The following TSHZ3 variants were observed in gnomAD, a reference collection of about 807,000 sequenced individuals.
TSHZ3 encodes teashirt homolog 3.
A neutral mutation model predicts 64.5 loss-of-function variants in TSHZ3; 10 were observed. The ratio of observed to expected loss-of-function variants is 0.16; its 90% confidence interval spans 0.10 to 0.26. The LOEUF is 0.26. TSHZ3 is among the 10% of genes least tolerant of loss of function. TSHZ3 has a pLI of 1.00. For synonymous variants in TSHZ3, 608 were observed against 593.1 expected, an observed-to-expected ratio of 1.03 and a Z score of -0.36; for missense variants, 1,242 against 1,421.7, an observed-to-expected ratio of 0.87 and a Z score of 2.03.
intron 4 of TSHZ3, among the ~76,000 whole-genome samples, chr19:31,206,076 AATGG>A (rs58291208): frequency 0.2 from 29,444 of 145,234 alleles, 3,075 homozygotes; most frequent in East Asian, 0.26. Flanking sequence ...GGATGGGTGA[AATGG>A]ATGGATGGAT....
chr19:31,257,801 T>C (rs1298454871), intron 1 of TSHZ3, among the ~76,000 whole-genome samples: 1 of 152,150 alleles, frequency 6.6e-6, no homozygotes, highest in African/African-American at 2.4e-5. Flanking sequence ...GTGGTCCCTA[T>C]AAAAAGGCTT....
At chr19:31,238,255 ATTT>A (rs372232422) in intron 3 of TSHZ3, among the ~76,000 whole-genome samples, 2 of 134,548 alleles carry the variant, frequency 1.5e-5, no homozygotes, top group African/African-American at 2.8e-5. Flanking sequence ...TCCTTCGTGA[ATTT>A]TTTTTTTTTT....
intron 1 of TSHZ3, among the ~76,000 whole-genome samples, chr19:31,248,704 T>C (rs905872391): frequency 1.4e-4 from 20 of 143,748 alleles, no homozygotes; most frequent in Non-Finnish European, 1.7e-4. Flanking sequence ...GGAGGGAGGA[T>C]CTCTTGAGCC....
intron 1 of TSHZ3, among the ~76,000 whole-genome samples, chr19:31,339,408 C>T (rs114007098): frequency 2.6e-5 from 4 of 152,172 alleles, no homozygotes; most frequent in South Asian, 4.2e-4. Context: ...GGCTCTACCC[C>T]CTTCTCCCCT....
intron 1 of TSHZ3, among the ~76,000 whole-genome samples, chr19:31,287,127 G>A (rs913344378): frequency 1.8e-4 from 28 of 152,152 alleles, no homozygotes; most frequent in Admixed American, 1.8e-3. Context: ...CCAACCACGG[G>A]GGCCACGGAT....
chr19:31,334,925 C>A (rs569434994), intron 1 of TSHZ3, among the ~76,000 whole-genome samples: 3 of 152,166 alleles, frequency 2.0e-5, no homozygotes, highest in Admixed American at 6.5e-5. Flanking sequence ...ATCATCATCC[C>A]TTCTTCCTGC....
At chr19:31,217,018 C>T (rs781228257) in intron 4 of TSHZ3, among the ~76,000 whole-genome samples, 63 of 152,000 alleles carry the variant, frequency 4.1e-4, no homozygotes, top group Non-Finnish European at 3.4e-4. Flanking sequence ...AGGCTGGTCT[C>T]GAACTCCTGA....
Position 31,277,875 on chromosome 19 carries a change from G to A in TSHZ3, c.1918C>T (p.Arg640Trp), listed in dbSNP as rs371019996. Residue 640 changes from arginine to tryptophan, a missense_variant, in exon 2 of 2, where the codon CGG becomes TGG. Coordinates refer to ENST00000240587, the MANE Select transcript of TSHZ3 (RefSeq NM_020856.4). The surrounding 1 kb of genome is among the most constrained non-coding windows in gnomAD (Gnocchi z 4.5). ...CTGCTACATGGGGAGGGAGTGGCCC[G>A]CTTGGGCGGGGAAAGCTTCCCATCC... The part of the protein sequence containing the change: ...EPDGKLSPPK[R>W]ATPSPCSSEV... 76 of 1,608,656 alleles carry A rather than the reference G, an allele frequency of 4.7e-5. No homozygotes were observed. In the East Asian group the frequency reaches 7.1e-4, roughly 15 times the overall value.
intron 1 of TSHZ3, among the ~76,000 whole-genome samples, chr19:31,304,872 C>T (rs968174966): frequency 5.3e-5 from 8 of 152,212 alleles, no homozygotes; most frequent in Non-Finnish European, 8.8e-5. Context: ...TTCCCCGCAG[C>T]GCACTGGTAA....
At chr19:31,177,132 A>G (rs1305658167) in intron 5 of TSHZ3, among the ~76,000 whole-genome samples, 3 of 152,228 alleles carry the variant, frequency 2.0e-5, no homozygotes, top group Admixed American at 2.0e-4. Context: ...TCCCAGCAGC[A>G]TAGTATAGAA....
intron 1 of TSHZ3, among the ~76,000 whole-genome samples, chr19:31,262,378 A>G (rs1042044459): frequency 3.3e-5 from 5 of 152,178 alleles, no homozygotes; most frequent in Non-Finnish European, 7.4e-5. Context: ...CCACAATGTG[A>G]TTTCACGAGC....
intron 5 of TSHZ3, among the ~76,000 whole-genome samples, chr19:31,192,709 C>T (rs1974928840): frequency 6.6e-6 from 1 of 152,188 alleles, no homozygotes; most frequent in Non-Finnish European, 1.5e-5. Flanking sequence ...AAACTGCACT[C>T]CACTTATCCT....
intron 1 of TSHZ3, among the ~76,000 whole-genome samples, chr19:31,334,422 T>C (rs1917182847): frequency 6.6e-6 from 1 of 152,212 alleles, no homozygotes; most frequent in Non-Finnish European, 1.5e-5. Flanking sequence ...AGCTTTTTGT[T>C]AGGCAGATGA....
At chr19:31,271,032 A>G (rs912432191), downstream of TSHZ3, among the ~76,000 whole-genome samples, 4 of 152,198 alleles carry the variant, frequency 2.6e-5, no homozygotes, top group African/African-American at 9.7e-5. Flanking sequence ...GAGCCTCCAG[A>G]AGCCGTGGAC....
chr19:31,309,357 G>C (rs1052228575), intron 1 of TSHZ3, among the ~76,000 whole-genome samples: 10 of 151,714 alleles, frequency 6.6e-5, no homozygotes, highest in Admixed American at 1.3e-4. Context: ...ATGGCCTCTA[G>C]CAGGCGTAGA....
intron 4 of TSHZ3, among the ~76,000 whole-genome samples, chr19:31,210,633 C>T (rs541778400): frequency 2.7e-4 from 41 of 152,222 alleles, no homozygotes; most frequent in Middle Eastern, 3.4e-3. Context: ...ATGGATCTAA[C>T]GAGTGAGAGG....
At chr19:31,307,428 G>A (rs2145150056) in intron 1 of TSHZ3, among the ~76,000 whole-genome samples, 1 of 152,256 alleles carries the variant, frequency 6.6e-6, no homozygotes, top group East Asian at 1.9e-4. Context: ...AAATGCAGGA[G>A]TGATGACATG....
At chr19:31,294,681 A>G (rs1258138770) in intron 1 of TSHZ3, among the ~76,000 whole-genome samples, 1 of 152,174 alleles carries the variant, frequency 6.6e-6, no homozygotes, top group East Asian at 1.9e-4. Flanking sequence ...TCTCCAACCA[A>G]TATATAATCT....
intron 5 of TSHZ3, among the ~76,000 whole-genome samples, chr19:31,193,306 T>C (rs1974939563): frequency 6.6e-6 from 1 of 152,148 alleles, no homozygotes; most frequent in Non-Finnish European, 1.5e-5. Context: ...CAGGAAGCAG[T>C]CTCTGTCAGT....
Sources: gnomAD v4.1 joint callset for allele counts (sites outside exome capture counted in the v4.1 genomes callset) on GRCh38, gnomAD v4.1.1 for gene constraint, Gnocchi (gnomAD v3.1) non-coding constraint, MANE v1.5 for transcripts, NCBI Gene and HGNC (gene_info 2026-07-23, HGNC 2026-07-21) for gene names.